Variants in ACTA2 observed in about 807,000 individuals in gnomAD.
ACTA2 encodes the protein actin, aortic smooth muscle.
ACTA2 carries 12 observed loss-of-function variants against 39.5 expected under a neutral mutation model. The ratio of observed to expected loss-of-function variants is 0.30; its 90% CI spans 0.19 to 0.49. The LOEUF (loss-of-function observed/expected upper bound fraction) is 0.49, where lower values mean the gene tolerates loss of function less well. ACTA2 is among the 20% of genes least tolerant of loss of function. ACTA2 has a pLI of 0.99. For missense variants in ACTA2, 236 were observed against 498.8 expected, an observed-to-expected ratio of 0.47 and a Z score of 5.02; for synonymous variants, 158 against 180.6, an observed-to-expected ratio of 0.88 and a Z score of 1.00.
At chr10:88,963,030 T>C (rs1467558103) in intron 1 of ACTA2, among the ~76,000 whole-genome samples, 2 of 142,636 alleles carry the variant, frequency 1.4e-5, no homozygotes, top group Admixed American at 7.2e-5. Context: ...CGCCCCTTTA[T>C]GAAACCATCA....
At chr10:88,937,952 A>G in intron 8 of ACTA2, 109 bp downstream of exon 8, 1 of 1,331,536 alleles carries the variant, frequency 7.5e-7, no homozygotes. Context: ...CTACCCCTAA[A>G]ACCCACAATT....
chr10:88,950,581 C>A (rs1846031191), intron 1 of ACTA2, among the ~76,000 whole-genome samples: 1 of 152,314 alleles, frequency 6.6e-6, no homozygotes, highest in Non-Finnish European at 1.5e-5. Flanking sequence ...CTTCAACTGA[C>A]AAGGAAACCA....
chr10:88,988,327 T>G (rs1394608349), intron 1 of ACTA2, among the ~76,000 whole-genome samples: 1 of 152,112 alleles, frequency 6.6e-6, no homozygotes, highest in Non-Finnish European at 1.5e-5. Flanking sequence ...TATTGCAATT[T>G]AGTAAAAACA....
chr10:88,951,515 AG>A (rs923787444), intron 1 of ACTA2, among the ~76,000 whole-genome samples: 4 of 152,146 alleles, frequency 2.6e-5, no homozygotes, highest in African/African-American at 4.8e-5. Context: ...AAAAAGAAAA[AG>A]AAAAAGAAAA....
chr10:88,946,335 C>G (rs1845948162), intron 3 of ACTA2, among the ~76,000 whole-genome samples: 1 of 139,264 alleles, frequency 7.2e-6, no homozygotes, highest in African/African-American at 2.7e-5. Flanking sequence ...AGGCTGGTCT[C>G]AAACTCCTGG....
At position 88,990,867 on chromosome 10, in the gene ACTA2, C is replaced by T. The variant is rs200181814; in HGVS notation, c.-24+72G>A. 6.2e-7 allele frequency: 1 copy of T among 1,614,122 alleles called. No individual in the cohort carries two copies. The highest frequency in any genetic ancestry group is 1.3e-5 in the African/African-American group (1 of 74,954). ...GAAGCTCTTTCACTTCGGAGGATTG[C>T]TCAACAACCATGCTGGGCATCTGGA... On this transcript the variant is annotated intron_variant, in intron 1 of 4. Coordinates refer to the ACTA2 transcript ENST00000415557. The surrounding 1 kb of genome is among the most constrained non-coding windows in gnomAD (Gnocchi z 4.9).
chr10:88,958,479 G>A (rs1846174156), intron 1 of ACTA2, among the ~76,000 whole-genome samples: 1 of 152,184 alleles, frequency 6.6e-6, no homozygotes, highest in South Asian at 2.1e-4. Context: ...CATGGCCCCA[G>A]AGCTGGTAAG....
At position 88,990,935 on chromosome 10, in the gene ACTA2, T is replaced by G. The variant is rs1796684330; in HGVS notation, c.-24+4A>C. 6.2e-7 allele frequency: 1 copy of G among 1,614,094 alleles called. No homozygotes were observed. The highest frequency in any genetic ancestry group is 1.3e-5 in the African/African-American group (1 of 75,050). On this transcript the variant is annotated splice_donor_region_variant and intron_variant, in intron 1 of 4. Coordinates refer to the ACTA2 transcript ENST00000415557. This position sits in a 1 kb window ranked among gnomAD's most constrained non-coding sequence, Gnocchi z 4.9. ...AGCCCTCTCCTGCCCGGGTGGAGGC[T>G]TACCCCGTCTTAGTCCCGGGGATAG...
rs1320421545 is a variant in ACTA2, at chr10:88,948,832, G to A, written c.99C>T (p.Phe33=). 1 of 1,613,904 alleles carries A rather than the reference G, an allele frequency of 6.2e-7. No individual in the cohort carries two copies. The highest frequency in any genetic ancestry group is 2.2e-5 in the East Asian group (1 of 44,864). ...FAGDDAPRAV[F]PSIVGRPRHQ... is the part of the protein sequence containing the mutation. ...GTCTGGGACGTCCCACAATGGATGG[G>A]AAAACAGCCCTGGGAGCATCGTCCC... The change falls in exon 2 of 9, where the codon TTC becomes TTT. Residue 33 remains phenylalanine, a synonymous_variant. Transcript: ENST00000224784.
intron 1 of ACTA2, among the ~76,000 whole-genome samples, chr10:88,986,327 T>C (rs981331350): frequency 6.6e-6 from 1 of 152,148 alleles, no homozygotes; most frequent in African/African-American, 2.4e-5. Flanking sequence ...GACCACCATA[T>C]GCAAAAATGT....
chr10:88,990,818 G>C lies in ACTA2; in HGVS notation c.-24+121C>G. The C allele has an allele frequency of 6.2e-7, 1 of 1,612,368 alleles. No homozygotes were observed. The highest frequency in any genetic ancestry group is 8.5e-7 in the Non-Finnish European group (1 of 1,178,464). On this transcript the variant is annotated intron_variant, in intron 1 of 4. Transcript: ENST00000415557. The surrounding 1 kb of genome is among the most constrained non-coding windows in gnomAD (Gnocchi z 4.9). ...GCTGCCTCTTCTCCCGCGGGTTGGT[G>C]GACCCGCTCAGTACGGAGTTGGGGA...
intron 1 of ACTA2, among the ~76,000 whole-genome samples, chr10:88,964,220 C>A (rs990850900): frequency 2.0e-5 from 3 of 151,822 alleles, no homozygotes; most frequent in African/African-American, 7.3e-5. Context: ...TATCTGGAAC[C>A]CCTGCAAAAA....
chr10:88,976,457 G>A (rs1202335709), intron 1 of ACTA2, among the ~76,000 whole-genome samples: 1 of 152,130 alleles, frequency 6.6e-6, no homozygotes, highest in Non-Finnish European at 1.5e-5. Context: ...TGAGGATCAC[G>A]GAAAATGGAG....
intron 1 of ACTA2, among the ~76,000 whole-genome samples, chr10:88,976,497 G>C (rs1028191992): frequency 6.6e-6 from 1 of 152,166 alleles, no homozygotes; most frequent in Non-Finnish European, 1.5e-5. Context: ...CATTTGAATA[G>C]TCCTTCCATT....
chr10:88,975,266 A>T (rs906894384), intron 1 of ACTA2: 2 of 152,208 alleles, frequency 1.3e-5, no homozygotes, highest in Non-Finnish European at 2.9e-5. Context: ...TGCTAAATTT[A>T]TACAAAAGGA....
Position 88,990,426 on chromosome 10 carries a change from C to T in ACTA2, c.-24+513G>A, listed in dbSNP as rs758637688. ...GGGCAGGAGGCCGGCTCTCGAGGTC[C>T]TCACCTGAAGTGAGCATGCCAGCCA... On this transcript the variant is annotated intron_variant, in intron 1 of 4. Transcript: ENST00000415557. The surrounding 1 kb of genome is among the most constrained non-coding windows in gnomAD (Gnocchi z 4.9). 1 of 467,326 alleles carries T rather than the reference C, an allele frequency of 2.1e-6. No individual in the cohort carries two copies. The highest frequency in any genetic ancestry group is 1.9e-5 in the African/African-American group (1 of 51,708). The allele number at this position is 467,326 out of a possible 1,614,324, so 28.9% of individuals were successfully genotyped here. A position where few individuals can be genotyped will look rare whatever the true frequency, so the allele number is the denominator to read the frequency against.
intron 3 of ACTA2, among the ~76,000 whole-genome samples, chr10:88,944,401 A>G (rs901968306): frequency 6.6e-6 from 1 of 152,158 alleles, no homozygotes; most frequent in African/African-American, 2.4e-5. Context: ...ATTCAACTCT[A>G]TTTTCTTTGT....
upstream of ACTA2, among the ~76,000 whole-genome samples, chr10:88,954,829 T>C (rs939560152): frequency 1.3e-5 from 2 of 152,078 alleles, no homozygotes; most frequent in African/African-American, 2.4e-5. Context: ...TTAAATGATC[T>C]TATTGCCTGG....
At chr10:88,974,936 T>C (rs900372266) in intron 1 of ACTA2, 9 of 152,348 alleles carry the variant, frequency 5.9e-5, no homozygotes, top group African/African-American at 2.2e-4. Context: ...TGCTGGCTTG[T>C]GACTCTGGGC....
Sources: gnomAD v4.1 joint callset for allele counts (sites outside exome capture counted in the v4.1 genomes callset) on GRCh38, gnomAD v4.1.1 for gene constraint, Gnocchi (gnomAD v3.1) non-coding constraint, MANE v1.5 for transcripts, NCBI Gene and HGNC (gene_info 2026-07-23, HGNC 2026-07-21) for gene names.